The following PTPRD variants were observed in gnomAD, a reference collection of about 807,000 sequenced individuals.
PTPRD encodes the protein receptor-type tyrosine-protein phosphatase delta.
Under a neutral mutation model 214.5 loss-of-function variants are expected in PTPRD, and 34 were observed. That is an observed-to-expected ratio of 0.16 (90% confidence interval 0.12 to 0.21). The LOEUF is 0.21. PTPRD is among the 10% of genes least tolerant of loss of function. PTPRD has a pLI of 1.00. For missense variants in PTPRD, 2,545 were observed against 2,398.7 expected, an observed-to-expected ratio of 1.06 and a Z score of -1.27; for synonymous variants, 1,128 against 845.7, an observed-to-expected ratio of 1.33 and a Z score of -5.79.
At chr9:9,882,304 G>C (rs962045692) in intron 5 of PTPRD, among the ~76,000 whole-genome samples, 4 of 152,014 alleles carry the variant, frequency 2.6e-5, no homozygotes, top group Non-Finnish European at 4.4e-5. Context: ...GCACTGAGTT[G>C]AAACTGAGCA....
intron 8 of PTPRD, among the ~76,000 whole-genome samples, chr9:9,559,654 C>G (rs2082395874): frequency 6.6e-6 from 1 of 152,152 alleles, no homozygotes; most frequent in Non-Finnish European, 1.5e-5. Context: ...TGGAGCTATG[C>G]ACATAGCCCT....
chr9:10,475,379 A>T (rs1452996974), intron 2 of PTPRD, among the ~76,000 whole-genome samples: 1 of 152,150 alleles, frequency 6.6e-6, no homozygotes, highest in Non-Finnish European at 1.5e-5. Flanking sequence ...TCAACTGGAA[A>T]ATGTAGAAGA....
chr9:8,854,541 G>C lies in PTPRD; in HGVS notation c.-103-120595C>G, dbSNP rs113711637. On this transcript the variant is annotated intron_variant, in intron 11 of 45. Transcript: ENST00000381196. ...CTTACAGTGTACTCTTTTACAAACAGTCACCCTTGTCAGTTTGAAAAATTG... is the reference window on the plus strand; with the variant it reads ...CTTACAGTGTACTCTTTTACAAACACTCACCCTTGTCAGTTTGAAAAATTG... Among the ~76,000 whole-genome samples, 1,502 of 152,268 alleles carry C rather than the reference G, an allele frequency of 9.9e-3. 27 individuals are homozygous for C. The highest frequency in any genetic ancestry group is 0.034 in the African/African-American group (1,431 of 41,550).
intron 2 of PTPRD, among the ~76,000 whole-genome samples, chr9:10,479,660 A>AATAAGTAAAT (rs763212006): frequency 1.1e-4 from 10 of 91,014 alleles, no homozygotes; most frequent in Admixed American, 8.4e-4. Context: ...TAAATAAATA[A>AATAAGTAAAT]ACAAAAATAC....
intron 9 of PTPRD, among the ~76,000 whole-genome samples, chr9:9,201,945 C>A (rs550095697): frequency 1.9e-4 from 29 of 152,248 alleles, no homozygotes; most frequent in African/African-American, 6.7e-4. Flanking sequence ...GGAAATGAAA[C>A]ACTAATAACT....
At chr9:8,736,618 A>ATTAG (rs2090467052) in intron 11 of PTPRD, among the ~76,000 whole-genome samples, 1 of 152,100 alleles carries the variant, frequency 6.6e-6, no homozygotes, top group African/African-American at 2.4e-5. Flanking sequence ...TACCTTTTTT[A>ATTAG]TTAGTATTCA....
intron 3 of PTPRD, among the ~76,000 whole-genome samples, chr9:10,286,456 T>A (rs898448568): frequency 9.9e-5 from 15 of 151,756 alleles, no homozygotes; most frequent in Admixed American, 3.3e-4. Context: ...TAAATACATT[T>A]AAAAAAATTA....
At chr9:10,218,525 G>A (rs953048905) in intron 3 of PTPRD, among the ~76,000 whole-genome samples, 2 of 151,778 alleles carry the variant, frequency 1.3e-5, no homozygotes, top group South Asian at 2.1e-4. Context: ...TAAATGTCAC[G>A]TTCTAGTGGT....
chr9:8,854,597 T>G (rs2097880357), intron 11 of PTPRD, among the ~76,000 whole-genome samples: 1 of 152,206 alleles, frequency 6.6e-6, no homozygotes. Context: ...TTAAGTATAC[T>G]TGACCTCACT....
chr9:8,561,575 CAGCAGGCCCAGGGCTG>C (rs1385161109), intron 14 of PTPRD, among the ~76,000 whole-genome samples: 1 of 152,096 alleles, frequency 6.6e-6, no homozygotes, highest in Non-Finnish European at 1.5e-5. Context: ...CTGCCTCCAG[CAGCAGGCCCAGGGCTG>C]AGCAAGGTGG....
At chr9:9,150,977 G>T (rs1404381658) in intron 10 of PTPRD, among the ~76,000 whole-genome samples, 1 of 152,122 alleles carries the variant, frequency 6.6e-6, no homozygotes, top group Non-Finnish European at 1.5e-5. Context: ...AATACACTTT[G>T]CACACAAGAT....
chr9:8,986,919 G>C (rs372199177), intron 11 of PTPRD, among the ~76,000 whole-genome samples: 1 of 152,126 alleles, frequency 6.6e-6, no homozygotes, highest in Non-Finnish European at 1.5e-5. Context: ...GTCTGTCTCT[G>C]AGGACTAAGG....
intron 3 of PTPRD, among the ~76,000 whole-genome samples, chr9:10,239,658 G>C (rs995377363): frequency 6.6e-6 from 1 of 151,668 alleles, no homozygotes; most frequent in Non-Finnish European, 1.5e-5. Context: ...ATTGCTGAGA[G>C]CTTAGTGGTG....
chr9:10,337,404 C>G (rs570516104), intron 3 of PTPRD, among the ~76,000 whole-genome samples: 1 of 151,750 alleles, frequency 6.6e-6, no homozygotes, highest in East Asian at 1.9e-4. Context: ...TTCAAAGAAT[C>G]ATATCTATCT....
At position 9,842,148 on chromosome 9, in the gene PTPRD, A is replaced by G. The variant is rs1599449903; in HGVS notation, c.-367-75297T>C. Among the ~76,000 whole-genome samples the G allele has an allele frequency of 2.6e-5, 4 of 152,120 alleles. No homozygotes were observed. In the South Asian group the frequency reaches 8.3e-4, roughly 32 times the overall value. ...AAATCATGAGTGAAAACTAAGAAGA[A>G]TATTGAGAATTTATGCTTAAATTTT... On this transcript the variant is annotated intron_variant, in intron 5 of 45. Coordinates refer to ENST00000381196, the MANE Select transcript of PTPRD (RefSeq NM_002839.4).
chr9:9,693,543 G>T (rs1365573767), intron 7 of PTPRD, among the ~76,000 whole-genome samples: 1 of 152,036 alleles, frequency 6.6e-6, no homozygotes, highest in Non-Finnish European at 1.5e-5. Context: ...TGTGAAAATG[G>T]ACTAATACAA....
At chr9:8,456,291 T>C (rs2096199148) in intron 33 of PTPRD, among the ~76,000 whole-genome samples, 1 of 152,016 alleles carries the variant, frequency 6.6e-6, no homozygotes, top group Non-Finnish European at 1.5e-5. Context: ...CTTTAAGAGC[T>C]CAGGAAAAGT....
At chr9:8,924,698 T>C (rs1322108940) in intron 11 of PTPRD, among the ~76,000 whole-genome samples, 1 of 152,086 alleles carries the variant, frequency 6.6e-6, no homozygotes, top group Non-Finnish European at 1.5e-5. Context: ...AAGGAAACTG[T>C]TAATGACTCT....
chr9:9,977,822 G>A (rs2095410336), intron 4 of PTPRD, among the ~76,000 whole-genome samples: 2 of 151,778 alleles, frequency 1.3e-5, no homozygotes, highest in African/African-American at 2.4e-5. Flanking sequence ...GGTTTGAAGA[G>A]GCAATGGAAA....
Sources: allele counts gnomAD v4.1 joint callset (sites outside exome capture counted in the v4.1 genomes callset), GRCh38; gene constraint gnomAD v4.1.1; transcripts MANE v1.5; gene names NCBI Gene and HGNC (gene_info 2026-07-23, HGNC 2026-07-21).